The following ZMAT4 variants were observed in gnomAD, a reference collection of about 807,000 sequenced individuals.
The protein encoded by ZMAT4 is zinc finger matrin-type 4.
A neutral mutation model predicts 28.7 loss-of-function variants in ZMAT4; 17 were observed. That is an observed-to-expected ratio of 0.59 (90% CI 0.41 to 0.89). The LOEUF (loss-of-function observed/expected upper bound fraction) is 0.89. Among genes scored for constraint, ZMAT4 ranks in the 40% least tolerant of loss-of-function variants. ZMAT4 has a pLI of 0.00. For synonymous variants in ZMAT4, 117 were observed against 109.2 expected (o/e 1.07, Z -0.44); for missense variants, 240 against 283.8 (o/e 0.85, Z 1.11).
chr8:40,615,310 G>C, intron 5 of ZMAT4, among the ~76,000 whole-genome samples: 1 of 152,106 alleles, frequency 6.6e-6, no homozygotes, highest in East Asian at 1.9e-4. Flanking sequence ...TAGTCTGATG[G>C]GCTTCCCTTT....
chr8:40,667,758 T>C (rs1318185546), intron 5 of ZMAT4, among the ~76,000 whole-genome samples: 2 of 150,972 alleles, frequency 1.3e-5, no homozygotes, highest in East Asian at 2.0e-4. Context: ...TGATTTGATA[T>C]ATATTATGGA....
intron 5 of ZMAT4, among the ~76,000 whole-genome samples, chr8:40,585,096 G>A (rs1179744705): frequency 6.6e-6 from 1 of 152,116 alleles, no homozygotes; most frequent in African/African-American, 2.4e-5. Flanking sequence ...TCTTTGAAAT[G>A]TATATAGTAA....
At chr8:40,664,373 T>A (rs1044343494) in intron 5 of ZMAT4, among the ~76,000 whole-genome samples, 1 of 152,226 alleles carries the variant, frequency 6.6e-6, no homozygotes, top group Non-Finnish European at 1.5e-5. Flanking sequence ...GCTTTTTAAA[T>A]GTACACACTG....
At chr8:40,720,256 T>C (rs980939827) in intron 3 of ZMAT4, among the ~76,000 whole-genome samples, 1 of 152,180 alleles carries the variant, frequency 6.6e-6, no homozygotes, top group Non-Finnish European at 1.5e-5. Flanking sequence ...ACCAGCACTA[T>C]TATTGAGTAT....
At chr8:40,626,112 GAA>G (rs34224019) in intron 5 of ZMAT4, among the ~76,000 whole-genome samples, 27,697 of 127,962 alleles carry the variant, frequency 0.22, 2,805 homozygotes, top group Middle Eastern at 0.28. Context: ...CTCTGCCTCA[GAA>G]AAAAAAAAAA....
At chr8:40,614,736 T>A (rs1805933535) in intron 5 of ZMAT4, among the ~76,000 whole-genome samples, 1 of 152,242 alleles carries the variant, frequency 6.6e-6, no homozygotes, top group African/African-American at 2.4e-5. Flanking sequence ...TATCAGAGAC[T>A]AGGATTGCAA....
chr8:40,670,976 G>C (rs1270905405), intron 5 of ZMAT4, among the ~76,000 whole-genome samples: 1 of 151,754 alleles, frequency 6.6e-6, no homozygotes, highest in Non-Finnish European at 1.5e-5. Context: ...GCTGAGGCAG[G>C]AGAATCTCTT....
chr8:40,684,034 T>C (rs1180257073), intron 4 of ZMAT4, among the ~76,000 whole-genome samples: 1 of 151,956 alleles, frequency 6.6e-6, no homozygotes, highest in African/African-American at 2.4e-5. Context: ...TGCCACTGCA[T>C]TCTAGCCTGG....
chr8:40,756,385 C>T (rs925854505), intron 3 of ZMAT4, among the ~76,000 whole-genome samples: 1 of 136,288 alleles, frequency 7.3e-6, no homozygotes, highest in Non-Finnish European at 1.5e-5. Context: ...TAAATGCACA[C>T]ATGTTTTCAC....
intron 3 of ZMAT4, among the ~76,000 whole-genome samples, chr8:40,712,457 T>C (rs1198690821): frequency 6.6e-6 from 1 of 152,264 alleles, no homozygotes; most frequent in Non-Finnish European, 1.5e-5. Context: ...CATGGGCTTC[T>C]GTTGTTTCCA....
At chr8:40,751,267 C>A (rs530492108) in intron 3 of ZMAT4, among the ~76,000 whole-genome samples, 5 of 152,112 alleles carry the variant, frequency 3.3e-5, no homozygotes, top group Non-Finnish European at 5.9e-5. Flanking sequence ...AACTGGCTCA[C>A]GGTTCTACAG....
At chr8:40,700,160 G>A (rs12676122) in intron 3 of ZMAT4, among the ~76,000 whole-genome samples, 24,052 of 151,968 alleles carry the variant, frequency 0.16, 2,757 homozygotes, top group East Asian at 0.37. Flanking sequence ...CAGGAGAATT[G>A]GAGAAGTAGA....
At chr8:40,584,642 T>C (rs1460213601) in intron 5 of ZMAT4, among the ~76,000 whole-genome samples, 1 of 150,968 alleles carries the variant, frequency 6.6e-6, no homozygotes, top group East Asian at 1.9e-4. Flanking sequence ...AAGTTTTTTA[T>C]TTTTTTTTGA....
intron 1 of ZMAT4, among the ~76,000 whole-genome samples, chr8:40,850,277 A>C (rs1013474393): frequency 1.3e-4 from 19 of 151,936 alleles, no homozygotes; most frequent in Admixed American, 3.9e-4. Flanking sequence ...AGCCCCACCC[A>C]ATCTGCACCC....
intron 4 of ZMAT4, chr8:40,690,881 T>C (rs1809633284): frequency 1.0e-6 from 1 of 984,088 alleles, no homozygotes; most frequent in Non-Finnish European, 1.2e-6. Context: ...ATAAACACAC[T>C]TACAATACAT....
intron 4 of ZMAT4, among the ~76,000 whole-genome samples, chr8:40,676,180 A>T (rs1452306875): frequency 6.6e-6 from 1 of 152,190 alleles, no homozygotes; most frequent in Non-Finnish European, 1.5e-5. Flanking sequence ...AGTGATGGGA[A>T]AAACAGGACT....
chr8:40,840,161 G>T (rs1816650989), intron 1 of ZMAT4, among the ~76,000 whole-genome samples: 1 of 152,110 alleles, frequency 6.6e-6, no homozygotes, highest in Non-Finnish European at 1.5e-5. Context: ...AATACAGTTG[G>T]CACTCAGCCT....
chr8:40,869,365 TG>T (rs1817776232), intron 1 of ZMAT4, among the ~76,000 whole-genome samples: 1 of 152,188 alleles, frequency 6.6e-6, no homozygotes, highest in Admixed American at 6.5e-5. Context: ...AGGGGATTTT[TG>T]TTTTGTTTTG....
intron 1 of ZMAT4, among the ~76,000 whole-genome samples, chr8:40,830,976 A>T (rs1191145911): frequency 6.6e-6 from 1 of 152,230 alleles, no homozygotes; most frequent in Non-Finnish European, 1.5e-5. Context: ...TAGCAGAGAC[A>T]CGCAAAAAGG....
Sources: allele counts gnomAD v4.1 joint callset (sites outside exome capture counted in the v4.1 genomes callset), GRCh38; gene constraint gnomAD v4.1.1; transcripts MANE v1.5; gene names NCBI Gene and HGNC (gene_info 2026-07-23, HGNC 2026-07-21).